Variants in SPOCK1 observed in about 807,000 individuals in gnomAD.
The protein encoded by SPOCK1 is testican-1.
In SPOCK1, 23 loss-of-function variants were observed where a neutral mutation model predicts 55.3. The observed-to-expected ratio is 0.42, with a 90% confidence interval of 0.30 to 0.59. SPOCK1 has a LOEUF of 0.59. Among genes scored for constraint, SPOCK1 ranks in the 20% least tolerant of loss-of-function variants. The pLI is 0.22. For missense variants in SPOCK1, 499 were observed against 552.5 expected (o/e 0.90, Z 0.97); for synonymous variants, 226 against 221.0 (o/e 1.02, Z -0.20).
At position 136,976,832 on chromosome 5, in the gene SPOCK1, T is replaced by C. The variant is rs1375986791; in HGVS notation, c.*1822A>G. 1 of 152,224 alleles carries C rather than the reference T, an allele frequency of 6.6e-6. No individual in the cohort carries two copies. The highest frequency in any genetic ancestry group is 1.5e-5 in the Non-Finnish European group (1 of 68,036). The allele number at this position is 152,224 out of a possible 1,614,324, so 9.4% of individuals were successfully genotyped here. On this transcript the variant is annotated 3_prime_UTR_variant, in exon 11 of 11. Transcript: ENST00000394945. ...AGTTCATTTCTTATCTAAGACCAACTATAGGTATGATGCTACTGTATTCAG... is the reference window on the plus strand; with the variant it reads ...AGTTCATTTCTTATCTAAGACCAACCATAGGTATGATGCTACTGTATTCAG...
At chr5:137,121,442 C>G (rs577857130) in intron 4 of SPOCK1, among the ~76,000 whole-genome samples, 23 of 151,822 alleles carry the variant, frequency 1.5e-4, no homozygotes, top group African/African-American at 5.6e-4. Context: ...AATGGGAAAA[C>G]AGTAAGAAGA....
At chr5:137,077,601 A>G (rs1377645360) in intron 5 of SPOCK1, among the ~76,000 whole-genome samples, 2 of 152,246 alleles carry the variant, frequency 1.3e-5, no homozygotes, top group Non-Finnish European at 2.9e-5. Flanking sequence ...TGATGTGGCC[A>G]CCTTCTGTGT....
At chr5:137,202,076 A>G (rs2127076732) in intron 3 of SPOCK1, among the ~76,000 whole-genome samples, 1 of 152,344 alleles carries the variant, frequency 6.6e-6, no homozygotes, top group Middle Eastern at 3.4e-3. Context: ...ATACGTGGCC[A>G]ACCATCTGAG....
At chr5:137,276,821 A>G (rs958317734) in intron 2 of SPOCK1, among the ~76,000 whole-genome samples, 2 of 152,210 alleles carry the variant, frequency 1.3e-5, no homozygotes, top group South Asian at 4.1e-4. Context: ...GGACAGGTAG[A>G]TTTCTGCCCA....
At chr5:137,267,937 C>T (rs955016375) in intron 2 of SPOCK1, among the ~76,000 whole-genome samples, 1 of 152,136 alleles carries the variant, frequency 6.6e-6, no homozygotes, top group Admixed American at 6.6e-5. Context: ...AGGATTTGTC[C>T]CTTTGTAGTT....
chr5:136,990,199 C>T (rs1430923158), intron 7 of SPOCK1, among the ~76,000 whole-genome samples: 6 of 151,978 alleles, frequency 3.9e-5, no homozygotes, highest in South Asian at 2.1e-4. Context: ...CTTGAGCCAC[C>T]GCCCTCGGCC....
At chr5:137,040,388 C>T (rs1169291096) in intron 6 of SPOCK1, among the ~76,000 whole-genome samples, 5 of 152,236 alleles carry the variant, frequency 3.3e-5, no homozygotes, top group Non-Finnish European at 7.3e-5. Context: ...CATCACAAAG[C>T]ATGCATAGGC....
intron 2 of SPOCK1, chr5:137,364,898 G>A (rs1751023658): frequency 6.6e-6 from 1 of 152,238 alleles, no homozygotes; most frequent in Non-Finnish European, 1.5e-5. Flanking sequence ...TCAAAGAGGT[G>A]CTATTAGGAT....
intron 5 of SPOCK1, among the ~76,000 whole-genome samples, chr5:137,093,622 G>A (rs955082491): frequency 1.3e-5 from 2 of 152,192 alleles, no homozygotes; most frequent in Admixed American, 1.3e-4. Context: ...GCTCTGTTGT[G>A]TGGTGGTCAG....
intron 5 of SPOCK1, among the ~76,000 whole-genome samples, chr5:137,081,823 C>T (rs769257143): frequency 6.6e-6 from 1 of 152,228 alleles, no homozygotes; most frequent in Non-Finnish European, 1.5e-5. Context: ...ATTTTCTTTG[C>T]TTGGCATCAC....
intron 2 of SPOCK1, among the ~76,000 whole-genome samples, chr5:137,421,730 A>G (rs1036652093): frequency 6.6e-6 from 1 of 152,134 alleles, no homozygotes; most frequent in African/African-American, 2.4e-5. Context: ...TAGCACACTG[A>G]TGGGTCTTGA....
intron 6 of SPOCK1, among the ~76,000 whole-genome samples, chr5:137,040,701 T>C (rs1460858553): frequency 6.6e-6 from 1 of 152,212 alleles, no homozygotes; most frequent in Non-Finnish European, 1.5e-5. Context: ...AAAACTTTTT[T>C]GTTGTTGTTG....
chr5:137,382,437 A>T (rs1751491547), intron 2 of SPOCK1, among the ~76,000 whole-genome samples: 1 of 152,200 alleles, frequency 6.6e-6, no homozygotes. Flanking sequence ...AATTTTATGT[A>T]TTAGTCCATT....
intron 5 of SPOCK1, among the ~76,000 whole-genome samples, chr5:137,109,412 C>T (rs983866749): frequency 6.6e-6 from 1 of 152,192 alleles, no homozygotes; most frequent in South Asian, 2.1e-4. Flanking sequence ...ACTGGAATCT[C>T]CCCACTCCTT....
At chr5:137,416,607 G>A (rs1043299308) in intron 2 of SPOCK1, among the ~76,000 whole-genome samples, 16 of 152,238 alleles carry the variant, frequency 1.1e-4, no homozygotes, top group African/African-American at 2.9e-4. Flanking sequence ...GGAAATAAAA[G>A]ATACAGTGGA....
At position 137,140,698 on chromosome 5, in the gene SPOCK1, A is replaced by C; in HGVS notation, c.233-4T>G. 2 of 1,539,664 alleles carry C rather than the reference A, an allele frequency of 1.3e-6. No individual in the cohort carries two copies. The highest frequency in any genetic ancestry group is 1.8e-6 in the Non-Finnish European group (2 of 1,142,482). On this transcript the variant is annotated splice_region_variant and splice_polypyrimidine_tract_variant and intron_variant, in intron 3 of 10. Coordinates refer to ENST00000394945, the MANE Select transcript of SPOCK1 (RefSeq NM_004598.4). ...GGGTCCTTGGATGGGTCCAGGGCTG[A>C]GGCAAAAACAAGAAGGAGGGCAGGG...
In SPOCK1 at chr5:137,033,649, C is replaced by T. The variant is rs193299430; in HGVS notation, c.589+34066G>A. 1.2e-4 allele frequency among the ~76,000 whole-genome samples: 18 copies of T among 152,366 alleles called. No homozygotes were observed. The East Asian group carries it at 3.1e-3, about 26-fold the overall frequency. ...CCAGCCTCAGATCAGGTGTCATTTCCTAATGGAAGCCCTTCTTCCCTGCTC... is the reference window on the plus strand; with the variant it reads ...CCAGCCTCAGATCAGGTGTCATTTCTTAATGGAAGCCCTTCTTCCCTGCTC... On this transcript the variant is annotated intron_variant, in intron 6 of 10. Coordinates refer to ENST00000394945, the MANE Select transcript of SPOCK1 (RefSeq NM_004598.4).
chr5:137,365,825 T>C (rs1470159966), intron 2 of SPOCK1, among the ~76,000 whole-genome samples: 3 of 152,206 alleles, frequency 2.0e-5, no homozygotes, highest in Admixed American at 2.0e-4. Context: ...ACTTTAAATA[T>C]TACTCATGCA....
At chr5:137,023,364 C>T (rs1580712241) in intron 6 of SPOCK1, among the ~76,000 whole-genome samples, 1 of 152,248 alleles carries the variant, frequency 6.6e-6, no homozygotes, top group Admixed American at 6.5e-5. Flanking sequence ...TTCCAACCAG[C>T]TCCCCAGTAG....
Sources: gnomAD v4.1 joint callset for allele counts (sites outside exome capture counted in the v4.1 genomes callset) on GRCh38, gnomAD v4.1.1 for gene constraint, MANE v1.5 for transcripts, NCBI Gene and HGNC (gene_info 2026-07-23, HGNC 2026-07-21) for gene names.